SEMA5A: variants seen among roughly 807,000 people sequenced by gnomAD.
SEMA5A encodes semaphorin 5A.
In SEMA5A, 55 loss-of-function variants were observed where a neutral mutation model predicts 135.5. The observed-to-expected ratio is 0.41, with a 90% CI of 0.33 to 0.51. The LOEUF is 0.51. Among genes scored for constraint, SEMA5A ranks in the 20% least tolerant of loss-of-function variants. The pLI, the probability that SEMA5A is intolerant of heterozygous loss-of-function variation, is 0.37. For missense variants in SEMA5A, 1,290 were observed against 1,419.9 expected (o/e 0.91, Z 1.47); for synonymous variants, 580 against 546.5 (o/e 1.06, Z -0.85).
chr5:9,489,716 T>C (rs1005321532), intron 1 of SEMA5A, among the ~76,000 whole-genome samples: 2 of 152,134 alleles, frequency 1.3e-5, no homozygotes, highest in Non-Finnish European at 2.9e-5. Context: ...TGGCTCTAAA[T>C]GGGAATAGCT....
chr5:9,234,527 C>T (rs1248949782), intron 6 of SEMA5A, among the ~76,000 whole-genome samples: 5 of 152,200 alleles, frequency 3.3e-5, no homozygotes, highest in Admixed American at 1.3e-4. Flanking sequence ...ATTTCCAATG[C>T]ACACAGCTCT....
chr5:9,475,652 C>T (rs1759642037), intron 1 of SEMA5A, among the ~76,000 whole-genome samples: 1 of 152,136 alleles, frequency 6.6e-6, no homozygotes, highest in African/African-American at 2.4e-5. Context: ...AACAAAGTAA[C>T]TAAGGACCCC....
At chr5:9,473,383 T>TAA (rs58137756) in intron 1 of SEMA5A, among the ~76,000 whole-genome samples, 6 of 79,700 alleles carry the variant, frequency 7.5e-5, no homozygotes, top group Middle Eastern at 0.011. Flanking sequence ...CAATCAGTGG[T>TAA]AAAAAAAAAA....
chr5:9,438,204 C>A (rs1379532078), intron 1 of SEMA5A, among the ~76,000 whole-genome samples: 5 of 151,904 alleles, frequency 3.3e-5, no homozygotes, highest in African/African-American at 1.2e-4. Context: ...AATTAAGATT[C>A]ATTATATGAA....
intron 1 of SEMA5A, among the ~76,000 whole-genome samples, chr5:9,506,674 G>T (rs1381248394): frequency 1.3e-5 from 2 of 152,156 alleles, no homozygotes; most frequent in Non-Finnish European, 2.9e-5. Flanking sequence ...ATTGCAAATG[G>T]ACATGTTAAG....
At chr5:9,419,938 C>T (rs1579511002) in intron 2 of SEMA5A, among the ~76,000 whole-genome samples, 1 of 152,138 alleles carries the variant, frequency 6.6e-6, no homozygotes, top group Admixed American at 6.5e-5. Context: ...CTTTGATGTA[C>T]ATCCCAAAAG....
At position 9,119,089 on chromosome 5, in the gene SEMA5A, C is replaced by T; in HGVS notation, c.1834G>A (p.Gly612Arg). The T allele has an allele frequency of 6.2e-7, 1 of 1,613,870 alleles. No homozygotes were observed. The highest frequency in any genetic ancestry group is 8.5e-7 in the Non-Finnish European group (1 of 1,179,970). The change falls in exon 15 of 23, where the codon GGG becomes AGG. Residue 612 changes from glycine (G) to arginine (R), a missense_variant. By Grantham distance (125) the Gly-to-Arg change is moderately radical. Coordinates refer to ENST00000382496, the MANE Select transcript of SEMA5A (RefSeq NM_003966.3). ...TSWSPCSTTC[G>R]IGFQVRQRSC... ...CGCTGCCGCACCTGGAAGCCGATCC[C>T]ACAGGTAGTGCTGCAGGGAGACCAC... is the stretch of plus-strand genomic sequence containing the variant.
In SEMA5A at chr5:9,041,341, T is replaced by G. The variant is rs1579287026; in HGVS notation, c.*1556A>C. The G allele has an allele frequency of 6.6e-6, 1 of 152,370 alleles. No individual in the cohort carries two copies. Among genetic ancestry groups the G allele is most frequent in the Admixed American group, 6.5e-5 (1 of 15,310 alleles). The allele number at this position is 152,370 out of a possible 1,614,324, so 9.4% of individuals were successfully genotyped here. ...TTTCATAGATCCGAAGGTTCATTTG[T>G]AAGAACACGTTTCCGTGTCTACCCA... On this transcript the variant is annotated 3_prime_UTR_variant, in exon 23 of 23. Coordinates refer to ENST00000382496, the MANE Select transcript of SEMA5A (RefSeq NM_003966.3).
chr5:9,387,558 C>T (rs1039488356), intron 2 of SEMA5A, among the ~76,000 whole-genome samples: 13 of 152,162 alleles, frequency 8.5e-5, no homozygotes, highest in African/African-American at 2.9e-4. Flanking sequence ...TCAAGTAGAG[C>T]GTTCAATGAA....
intron 5 of SEMA5A, among the ~76,000 whole-genome samples, chr5:9,294,469 C>T (rs147539141): frequency 2.6e-5 from 4 of 152,326 alleles, no homozygotes; most frequent in African/African-American, 7.2e-5. Context: ...ATTCCCCTGC[C>T]TGCTCCTCAC....
intron 2 of SEMA5A, among the ~76,000 whole-genome samples, chr5:9,380,367 T>G (rs1329155410): frequency 6.6e-6 from 1 of 152,224 alleles, no homozygotes; most frequent in Non-Finnish European, 1.5e-5. Flanking sequence ...GGATTTCCCT[T>G]GGTCACCTGT....
chr5:9,107,280 G>A (rs1739971525), intron 16 of SEMA5A, among the ~76,000 whole-genome samples: 1 of 152,022 alleles, frequency 6.6e-6, no homozygotes, highest in African/African-American at 2.4e-5. Flanking sequence ...AACAGCAAAA[G>A]CAAGTCTTTT....
At chr5:9,122,625 C>A in intron 14 of SEMA5A, 31 bp downstream of exon 14, 1 of 1,494,654 alleles carries the variant, frequency 6.7e-7, no homozygotes, top group Non-Finnish European at 9.0e-7. Context: ...TAATACACAG[C>A]AGCACAACTG....
At chr5:9,120,877 C>G (rs35962563) in intron 14 of SEMA5A, among the ~76,000 whole-genome samples, 17,067 of 151,302 alleles carry the variant, frequency 0.11, 1,475 homozygotes, top group East Asian at 0.29. Context: ...CTGCTGGGTT[C>G]AAGAGATTCT....
At chr5:9,317,986 A>G (rs1388599777) in intron 5 of SEMA5A, among the ~76,000 whole-genome samples, 6 of 152,248 alleles carry the variant, frequency 3.9e-5, no homozygotes, top group Non-Finnish European at 8.8e-5. Context: ...AATTATAAAG[A>G]GGAAACAAAG....
intron 3 of SEMA5A, among the ~76,000 whole-genome samples, chr5:9,352,872 C>T (rs1035728330): frequency 3.3e-5 from 5 of 152,020 alleles, no homozygotes; most frequent in Non-Finnish European, 7.3e-5. Context: ...TGAGTTCAGA[C>T]TATTTGACCT....
intron 3 of SEMA5A, among the ~76,000 whole-genome samples, chr5:9,348,931 C>A (rs1038653898): frequency 1.3e-5 from 2 of 152,208 alleles, no homozygotes; most frequent in Admixed American, 6.5e-5. Context: ...CAGACCTCAG[C>A]TTTAAGACAA....
intron 12 of SEMA5A, among the ~76,000 whole-genome samples, chr5:9,144,595 T>C (rs1217475115): frequency 6.6e-6 from 1 of 152,198 alleles, no homozygotes; most frequent in African/African-American, 2.4e-5. Flanking sequence ...TCATGACTGC[T>C]GGGCAGCCGG....
intron 2 of SEMA5A, among the ~76,000 whole-genome samples, chr5:9,425,823 T>C (rs1757626434): frequency 6.6e-6 from 1 of 152,220 alleles, no homozygotes; most frequent in Non-Finnish European, 1.5e-5. Flanking sequence ...GAGGAATCCC[T>C]TGGGGACCTT....
Sources: allele counts gnomAD v4.1 joint callset (sites outside exome capture counted in the v4.1 genomes callset), GRCh38; gene constraint gnomAD v4.1.1; transcripts MANE v1.5; gene names NCBI Gene and HGNC (gene_info 2026-07-23, HGNC 2026-07-21).